Variants in VPS13B observed in about 807,000 individuals in gnomAD.
The protein encoded by VPS13B is intermembrane lipid transfer protein VPS13B.
A neutral mutation model predicts 426.4 loss-of-function variants in VPS13B; 285 were observed. That is an observed-to-expected ratio of 0.67 (90% CI 0.61 to 0.74). The LOEUF is 0.74. Ranked by LOEUF, VPS13B falls within the 30% of genes least tolerant of loss-of-function variation. The pLI, the probability that VPS13B is intolerant of heterozygous loss-of-function variation, is 0.00. For synonymous variants in VPS13B, 1,676 were observed against 1,676.4 expected, an observed-to-expected ratio of 1.00 and a Z score of 0.01; for missense variants, 4,537 against 4,782.6, an observed-to-expected ratio of 0.95 and a Z score of 1.51.
At chr8:99,406,619 T>G in intron 21 of VPS13B, among the ~76,000 whole-genome samples, 1 of 152,330 alleles carries the variant, frequency 6.6e-6, no homozygotes, top group East Asian at 1.9e-4. Flanking sequence ...GTTGAATTAT[T>G]ATAAGAATGA....
chr8:99,384,408 TAACAAATG>T, intron 20 of VPS13B, 91 bp downstream of exon 20: 1 of 1,048,660 alleles, frequency 9.5e-7, no homozygotes, highest in Non-Finnish European at 1.4e-6. Flanking sequence ...GATTCTTTTT[TAACAAATG>T]TACTAGATTT....
intron 8 of VPS13B, among the ~76,000 whole-genome samples, chr8:99,124,710 C>T (rs1848108409): frequency 6.6e-6 from 1 of 151,790 alleles, no homozygotes; most frequent in Non-Finnish European, 1.5e-5. Flanking sequence ...CATGTTGAAA[C>T]CCTGTCTCTA....
intron 16 of VPS13B, among the ~76,000 whole-genome samples, chr8:99,183,210 A>C (rs921578219): frequency 6.6e-6 from 1 of 152,172 alleles, no homozygotes; most frequent in Non-Finnish European, 1.5e-5. Context: ...TTTTCTTCTT[A>C]TTTAACATCA....
chr8:99,613,776 TAGA>T (rs961248817), intron 33 of VPS13B: 25 of 152,222 alleles, frequency 1.6e-4, no homozygotes, highest in South Asian at 6.2e-4. Context: ...CATTTAAAAA[TAGA>T]AGAAGAAGAA....
chr8:99,428,696 G>T, intron 21 of VPS13B, among the ~76,000 whole-genome samples: 1 of 152,154 alleles, frequency 6.6e-6, no homozygotes, highest in Admixed American at 6.5e-5. Flanking sequence ...GTGTAAACTG[G>T]TTCAACCATT....
At chr8:99,491,336 G>A (rs1186083133) in intron 25 of VPS13B, among the ~76,000 whole-genome samples, 1 of 152,102 alleles carries the variant, frequency 6.6e-6, no homozygotes, top group Non-Finnish European at 1.5e-5. Context: ...ACAATTACGT[G>A]TCTTGGGGTT....
chr8:99,568,379 C>T (rs1439209383), intron 31 of VPS13B, among the ~76,000 whole-genome samples: 3 of 151,726 alleles, frequency 2.0e-5, no homozygotes, highest in Non-Finnish European at 1.5e-5. Flanking sequence ...CAGCCTCTGC[C>T]TCCCGGGTTC....
rs28940272 is a variant in VPS13B at position 99,820,031 on chromosome 8, A to G, written c.8903A>G (p.Asn2968Ser). 5.0e-3 allele frequency: 8,077 copies of G among 1,614,038 alleles called. 22 individuals are homozygous for G. Among genetic ancestry groups the G allele is most frequent in the Non-Finnish European group, 6.1e-3 (7,180 of 1,179,912 alleles). ...IELLPWALLI[N>S]ESKWDLWLFE... is the part of the protein sequence containing the mutation. ...CTTCTGCCCTGGGCCCTGCTTATCA[A>G]TGAATCCAAATGGGACCTCTGGCTA... The change falls in exon 49 of 62, where the codon AAT (asparagine) becomes AGT (serine). Residue 2968 changes from asparagine (N) to serine (S), a missense_variant. Transcript: ENST00000357162.
chr8:99,026,469 C>T (rs769478236), intron 2 of VPS13B, among the ~76,000 whole-genome samples: 4 of 152,134 alleles, frequency 2.6e-5, no homozygotes, highest in Non-Finnish European at 5.9e-5. Context: ...TCTATTTGGT[C>T]TAAAGTGCAA....
chr8:99,033,907 T>A (rs1842627612), intron 2 of VPS13B, among the ~76,000 whole-genome samples: 1 of 151,942 alleles, frequency 6.6e-6, no homozygotes, highest in Non-Finnish European at 1.5e-5. Flanking sequence ...AAAAAAAAAA[T>A]TATTTGTATA....
At chr8:99,736,436 T>A (rs549168136) in intron 39 of VPS13B, among the ~76,000 whole-genome samples, 4 of 152,152 alleles carry the variant, frequency 2.6e-5, no homozygotes, top group African/African-American at 9.6e-5. Context: ...TAGCTGGGTG[T>A]GGTGGCACGT....
chr8:99,264,476 T>C (rs908669854), intron 17 of VPS13B, among the ~76,000 whole-genome samples: 1 of 152,214 alleles, frequency 6.6e-6, no homozygotes, highest in African/African-American at 2.4e-5. Context: ...TGTCTTTATA[T>C]GTAATTGATT....
intron 4 of VPS13B, among the ~76,000 whole-genome samples, chr8:99,098,065 G>T (rs966391857): frequency 1.9e-4 from 29 of 152,138 alleles, no homozygotes; most frequent in Non-Finnish European, 5.9e-5. Flanking sequence ...TGACCACAAT[G>T]TGATTAAATT....
At position 99,170,832 on chromosome 8, in the gene VPS13B, A is replaced by AT. The variant is rs1245120651; in HGVS notation, c.2333+674dup. 2.6e-5 allele frequency among the ~76,000 whole-genome samples: 4 copies of AT among 151,640 alleles called. No homozygotes were observed. In the South Asian group the frequency reaches 6.2e-4, roughly 24 times the overall value. ...ATATGAAATTAATTTTTAGTGAACC[A>AT]TTTTTCCAATTTAAAATGTGATTTA... On this transcript the variant is annotated intron_variant, in intron 16 of 61. Transcript: ENST00000357162.
At chr8:99,480,445 C>T (rs896981788) in intron 24 of VPS13B, among the ~76,000 whole-genome samples, 1 of 152,080 alleles carries the variant, frequency 6.6e-6, no homozygotes, top group Non-Finnish European at 1.5e-5. Context: ...TGTTTGCACT[C>T]TCTTTATTTA....
chr8:99,586,971 T>TC (rs1826334948), intron 33 of VPS13B, among the ~76,000 whole-genome samples: 1 of 152,038 alleles, frequency 6.6e-6, no homozygotes, highest in South Asian at 2.1e-4. Flanking sequence ...ATGCTATCCC[T>TC]CCCCCATCCC....
At chr8:99,692,871 C>T (rs1387117743) in intron 35 of VPS13B, among the ~76,000 whole-genome samples, 4 of 146,088 alleles carry the variant, frequency 2.7e-5, no homozygotes, top group Non-Finnish European at 4.5e-5. Context: ...ATATCACCAC[C>T]GATCCCACAG....
At chr8:99,583,496 T>G (rs1458152567) in intron 33 of VPS13B, among the ~76,000 whole-genome samples, 1 of 152,134 alleles carries the variant, frequency 6.6e-6, no homozygotes. Flanking sequence ...TTATGCCATG[T>G]GAAGTGATGG....
chr8:99,275,180 A>G lies in VPS13B; in HGVS notation c.2750A>G (p.Glu917Gly). 6 of 1,613,072 alleles carry G rather than the reference A, an allele frequency of 3.7e-6. No individual in the cohort carries two copies. Among genetic ancestry groups the G allele is most frequent in the Non-Finnish European group, 5.1e-6 (6 of 1,179,450 alleles). ...TKWLNESRKP[E>G]SLLAPDLMAF... ...TGGCTCAATGAGAGTAGAAAGCCAG[A>G]GTCTCTCTTAGCTCCAGATTTGATG... The change falls in exon 19 of 62, where the codon GAG becomes GGG. Residue 917 changes from glutamate to glycine, a missense_variant. Physicochemically the swap from Glu to Gly is moderately conservative, Grantham distance 98 (BLOSUM62 -2). Around this residue, in one of 2 missense-constraint regions of VPS13B, gnomAD observed 4,311 missense variants for 4,474.3 expected, o/e 0.96. Coordinates refer to ENST00000357162, the MANE Select transcript of VPS13B (RefSeq NM_152564.5).
Sources: gnomAD v4.1 joint callset for allele counts (sites outside exome capture counted in the v4.1 genomes callset) on GRCh38, gnomAD v4.1.1 for gene constraint, gnomAD v4.1.1 regional missense constraint, MANE v1.5 for transcripts, NCBI Gene and HGNC (gene_info 2026-07-23, HGNC 2026-07-21) for gene names.